Variants in NUP160 observed in about 807,000 individuals in gnomAD.
NUP160 encodes the protein nucleoporin 160, also known as nuclear pore complex protein Nup160.
In NUP160, 94 loss-of-function variants were observed where a neutral mutation model predicts 196.9. The observed-to-expected ratio is 0.48, with a 90% CI of 0.40 to 0.57. The LOEUF (loss-of-function observed/expected upper bound fraction) is 0.57. Among genes scored for constraint, NUP160 ranks in the 20% least tolerant of loss-of-function variants. The pLI, the probability that NUP160 is intolerant of heterozygous loss-of-function variation, is 0.00. For missense variants in NUP160, 1,638 were observed against 1,748.3 expected, an observed-to-expected ratio of 0.94 and a Z score of 1.13; for synonymous variants, 605 against 619.7, an observed-to-expected ratio of 0.98 and a Z score of 0.35.
chr11:47,816,887 C>T (rs761973687), intron 11 of NUP160, among the ~76,000 whole-genome samples: 1 of 151,736 alleles, frequency 6.6e-6, no homozygotes, highest in Non-Finnish European at 1.5e-5. Flanking sequence ...TCAAGCAATC[C>T]ACCCCCTTGG....
chr11:47,782,358 G>A (rs1244962498), intron 34 of NUP160, among the ~76,000 whole-genome samples: 4 of 102,188 alleles, frequency 3.9e-5, no homozygotes, highest in Non-Finnish European at 7.9e-5. Flanking sequence ...ATATATATAT[G>A]CGCCTATACC....
At chr11:47,821,987 A>G (rs1851867543) in intron 8 of NUP160, 100 bp downstream of exon 8, 1 of 995,038 alleles carries the variant, frequency 1.0e-6, no homozygotes, top group Admixed American at 2.2e-5. Flanking sequence ...ATCATGAAAT[A>G]ATTCCATTTT....
chr11:47,785,497 T>C (rs373489393), intron 32 of NUP160, among the ~76,000 whole-genome samples: 2 of 152,210 alleles, frequency 1.3e-5, no homozygotes, highest in Non-Finnish European at 2.9e-5. Flanking sequence ...CAAATATTAT[T>C]TGGGCTAATG....
At chr11:47,801,918 A>T in exon 23 of NUP160, 1 of 1,613,942 alleles carries the variant, frequency 6.2e-7, no homozygotes, top group Non-Finnish European at 8.5e-7. Flanking sequence ...GCCTGACAAA[A>T]ACATTCCAGA....
chr11:47,804,553 A>C, exon 21 of NUP160: 1 of 1,534,010 alleles, frequency 6.5e-7, no homozygotes, highest in Non-Finnish European at 8.7e-7. Context: ...ACTCACCTGC[A>C]ATTGTACATA....
intron 11 of NUP160, among the ~76,000 whole-genome samples, chr11:47,817,582 T>TG: frequency 6.6e-6 from 1 of 152,148 alleles, no homozygotes; most frequent in Middle Eastern, 3.4e-3. Context: ...CTTGACCCCG[T>TG]GATCCATCTG....
intron 27 of NUP160, among the ~76,000 whole-genome samples, chr11:47,795,284 T>C (rs555839009): frequency 6.6e-6 from 1 of 152,348 alleles, no homozygotes; most frequent in East Asian, 1.9e-4. Context: ...ACCTGCAATA[T>C]GTAAGGCGCT....
chr11:47,817,841 T>C (rs1458846048), intron 11 of NUP160, among the ~76,000 whole-genome samples: 1 of 152,178 alleles, frequency 6.6e-6, no homozygotes, highest in Non-Finnish European at 1.5e-5. Context: ...TGTCACTGAT[T>C]ACTGGGAAAG....
exon 3 of NUP160, chr11:47,840,438 C>T: frequency 6.2e-7 from 1 of 1,614,144 alleles, no homozygotes; most frequent in Non-Finnish European, 8.5e-7. Context: ...GATTGGTTAA[C>T]ATCAAGATTA....
chr11:47,785,363 T>C (rs2097663972), intron 32 of NUP160, among the ~76,000 whole-genome samples: 1 of 152,094 alleles, frequency 6.6e-6, no homozygotes, highest in Non-Finnish European at 1.5e-5. Context: ...ACTCCAGAGC[T>C]AAAGTGATCC....
At chr11:47,784,288 G>C (rs1278905160) in intron 33 of NUP160, among the ~76,000 whole-genome samples, 1 of 152,184 alleles carries the variant, frequency 6.6e-6, no homozygotes, top group Non-Finnish European at 1.5e-5. Flanking sequence ...TTCTGATGCA[G>C]ACAGTCTAAG....
intron 34 of NUP160, among the ~76,000 whole-genome samples, chr11:47,780,720 T>G (rs2097660239): frequency 2.0e-5 from 3 of 151,796 alleles, no homozygotes; most frequent in Admixed American, 6.6e-5. Context: ...ATGTTTATTT[T>G]TAGTAGAGAT....
chr11:47,806,469 A>G (rs558205842), intron 19 of NUP160, 157 bp from the exon 20 acceptor site: 2 of 565,700 alleles, frequency 3.5e-6, no homozygotes, highest in East Asian at 2.9e-5. Context: ...TATAAATAAA[A>G]GTAGTCTGTA....
At position 47,782,300 on chromosome 11, in the gene NUP160, AAAAATATATAT is replaced by A. The variant is rs1156802471; in HGVS notation, c.4116+762_4116+772del. Among the ~76,000 whole-genome samples, 10 of 42,498 alleles carry A rather than the reference AAAAATATATAT, an allele frequency of 2.4e-4. No individual in the cohort carries two copies. In the South Asian group the frequency reaches 4.3e-3, roughly 18 times the overall value. 27.9% of individuals were successfully genotyped at this position (42,498 alleles called of 152,430 possible). A position where few individuals can be genotyped will look rare whatever the true frequency, so the allele number is the denominator to read the frequency against. On this transcript the variant is annotated intron_variant, in intron 34 of 35. Coordinates refer to ENST00000378460, the Ensembl canonical transcript of NUP160. ...GAGCAAAACTCAGTTAAAAAAAAAAAAAAATATATATATATATATATATATATATATATATA... is the reference window on the plus strand; with the variant it reads ...GAGCAAAACTCAGTTAAAAAAAAAAAATATATATATATATATATATATATA...
At chr11:47,802,892 G>C (rs1357774949) in intron 22 of NUP160, among the ~76,000 whole-genome samples, 1 of 152,092 alleles carries the variant, frequency 6.6e-6, no homozygotes, top group African/African-American at 2.4e-5. Context: ...GGCTGAGGTA[G>C]GAGAATCACT....
exon 13 of NUP160, chr11:47,815,639 C>A: frequency 6.3e-7 from 1 of 1,589,822 alleles, no homozygotes; most frequent in Non-Finnish European, 8.5e-7. Context: ...CTCTGTTACA[C>A]TTCCTTGAAG....
At chr11:47,794,104 G>A (rs1259515562) in intron 27 of NUP160, among the ~76,000 whole-genome samples, 1 of 152,134 alleles carries the variant, frequency 6.6e-6, no homozygotes, top group African/African-American at 2.4e-5. Context: ...GTTGTTTAAT[G>A]GGTATATAGC....
intron 21 of NUP160, among the ~76,000 whole-genome samples, chr11:47,803,758 C>T (rs1014473701): frequency 6.6e-6 from 1 of 152,210 alleles, no homozygotes; most frequent in Non-Finnish European, 1.5e-5. Context: ...CATACACATA[C>T]TTTACATCTC....
intron 27 of NUP160, among the ~76,000 whole-genome samples, chr11:47,796,550 A>G (rs1474230552): frequency 6.6e-6 from 1 of 152,176 alleles, no homozygotes; most frequent in African/African-American, 2.4e-5. Flanking sequence ...AGGGAAGAGG[A>G]GATAAGAAAA....
Sources: allele counts gnomAD v4.1 joint callset (sites outside exome capture counted in the v4.1 genomes callset), GRCh38; gene constraint gnomAD v4.1.1; transcripts MANE v1.5; gene names NCBI Gene and HGNC (gene_info 2026-07-23, HGNC 2026-07-21).